Variants in SMARCC1 observed in about 807,000 individuals in gnomAD.
SMARCC1 encodes the protein SWI/SNF related BAF chromatin remodeling complex subunit C1.
A neutral mutation model predicts 147.4 loss-of-function variants in SMARCC1; 43 were observed. That is an observed-to-expected ratio of 0.29 (90% confidence interval 0.23 to 0.38). SMARCC1 has a LOEUF of 0.38. Ranked by LOEUF, SMARCC1 falls within the 10% of genes least tolerant of loss-of-function variation. The pLI is 1.00. For missense variants in SMARCC1, 1,119 were observed against 1,381.1 expected (o/e 0.81, Z 3.01); for synonymous variants, 495 against 484.4 (o/e 1.02, Z -0.29).
chr3:47,695,928 G>A (rs78107427), intron 11 of SMARCC1, among the ~76,000 whole-genome samples: 121,765 of 121,924 alleles, frequency 1, 60,803 homozygotes, highest in Non-Finnish European at 1. Context: ...TCAGCCGGGC[G>A]TGGTGGTGCA....
intron 15 of SMARCC1, among the ~76,000 whole-genome samples, chr3:47,679,288 G>A (rs555569302): frequency 6.6e-6 from 1 of 151,684 alleles, no homozygotes; most frequent in East Asian, 1.9e-4. Context: ...TGACAGATAT[G>A]TACTTATATA....
intron 5 of SMARCC1, among the ~76,000 whole-genome samples, chr3:47,734,737 A>G (rs1241417565): frequency 6.6e-6 from 1 of 152,212 alleles, no homozygotes; most frequent in Non-Finnish European, 1.5e-5. Flanking sequence ...GTACTAGTAC[A>G]TGTGTATCAA....
chr3:47,658,974 C>T (rs958478357), intron 21 of SMARCC1, among the ~76,000 whole-genome samples: 6 of 151,734 alleles, frequency 4.0e-5, no homozygotes, highest in Admixed American at 1.3e-4. Flanking sequence ...AAAAATTAGC[C>T]GGGTGTTGTG....
At chr3:47,593,155 TAAG>T (rs1326639529) in intron 26 of SMARCC1, among the ~76,000 whole-genome samples, 3 of 146,462 alleles carry the variant, frequency 2.0e-5, no homozygotes, top group African/African-American at 5.1e-5. Context: ...AGTAATAAAT[TAAG>T]AAGAATAGTT....
At chr3:47,712,642 TG>T (rs2034101473) in intron 8 of SMARCC1, among the ~76,000 whole-genome samples, 1 of 139,396 alleles carries the variant, frequency 7.2e-6, no homozygotes, top group Non-Finnish European at 1.6e-5. Context: ...TCAGAAAACT[TG>T]GGCAAACAGT....
At position 47,729,009 on chromosome 3, in the gene SMARCC1, C is replaced by T. The variant is rs373987586; in HGVS notation, c.646+16G>A. The T allele has an allele frequency of 7.0e-5, 112 of 1,589,364 alleles. No individual in the cohort carries two copies. The highest frequency in any genetic ancestry group is 8.5e-5 in the Non-Finnish European group (98 of 1,159,458). The stretch of plus-strand genomic sequence containing the variant: ...GATGTATGAGCTCATCTGTTCACAA[C>T]GCAAAACTAACTTACCATCGTCTTG... On this transcript the variant is annotated intron_variant, in intron 6 of 27. Transcript: ENST00000254480.
At chr3:47,635,142 C>T in intron 24 of SMARCC1, 48 bp downstream of exon 24, 1 of 1,536,986 alleles carries the variant, frequency 6.5e-7, no homozygotes, top group South Asian at 1.1e-5. Flanking sequence ...AACAATACGA[C>T]CATTCATGCC....
At chr3:47,681,499 AACAAACTGTATATCTAGC>A (rs2033643655) in intron 14 of SMARCC1, among the ~76,000 whole-genome samples, 1 of 152,192 alleles carries the variant, frequency 6.6e-6, no homozygotes, top group African/African-American at 2.4e-5. Context: ...GTAAAAAAAG[AACAAACTGTATATCTAGC>A]ACAAAGTTTC....
chr3:47,739,833 T>C (rs2034487870), intron 3 of SMARCC1, among the ~76,000 whole-genome samples: 2 of 152,188 alleles, frequency 1.3e-5, no homozygotes, highest in Non-Finnish European at 2.9e-5. Flanking sequence ...ACTTCCAGAA[T>C]CAGTCCCCAA....
intron 15 of SMARCC1, 26 bp from the exon 16 acceptor site, chr3:47,678,337 A>G: frequency 8.2e-7 from 1 of 1,214,890 alleles, no homozygotes. Flanking sequence ...AAAATTCATA[A>G]GGTGGACATG....
At chr3:47,672,712 T>A (rs1489761463) in intron 18 of SMARCC1, among the ~76,000 whole-genome samples, 2 of 152,170 alleles carry the variant, frequency 1.3e-5, no homozygotes, top group African/African-American at 4.8e-5. Context: ...CAACCATTTC[T>A]CCACTTCTCA....
intron 21 of SMARCC1, among the ~76,000 whole-genome samples, chr3:47,650,273 TTAAAATAATAATAATAA>T (rs1214753496): frequency 9.2e-6 from 1 of 108,656 alleles, no homozygotes; most frequent in African/African-American, 3.1e-5. Flanking sequence ...GAGACTCTGT[TTAAAATAATAATAATAA>T]TAATAATAAT....
chr3:47,715,259 A>G (rs1368458793), intron 7 of SMARCC1, among the ~76,000 whole-genome samples: 2 of 152,178 alleles, frequency 1.3e-5, no homozygotes, highest in Non-Finnish European at 2.9e-5. Context: ...AGCCAACTCC[A>G]CATCTCCTTG....
chr3:47,608,656 G>C (rs1329442933), intron 26 of SMARCC1, among the ~76,000 whole-genome samples: 1 of 151,882 alleles, frequency 6.6e-6, no homozygotes, highest in Admixed American at 6.6e-5. Flanking sequence ...GATCAGCCTG[G>C]GCTACAAGGC....
At chr3:47,708,117 T>C (rs1284341024) in intron 9 of SMARCC1, among the ~76,000 whole-genome samples, 2 of 106,868 alleles carry the variant, frequency 1.9e-5, no homozygotes, top group Middle Eastern at 5.9e-3. Flanking sequence ...TTTTTTTTTT[T>C]GAGACAGGGT....
At chr3:47,642,436 A>G (rs138162733) in intron 21 of SMARCC1, among the ~76,000 whole-genome samples, 70 of 152,260 alleles carry the variant, frequency 4.6e-4, no homozygotes, top group Non-Finnish European at 8.7e-4. Flanking sequence ...CTAAAAGTAC[A>G]AAAATTAGCT....
rs2034507081 is a variant in SMARCC1 at position 47,741,278 on chromosome 3, C to T, written c.402-3168G>A. Among the ~76,000 whole-genome samples, 6 of 151,226 alleles carry T rather than the reference C, an allele frequency of 4.0e-5. No homozygotes were observed. The South Asian group carries it at 1.3e-3, about 32-fold the overall frequency. The stretch of plus-strand genomic sequence containing the variant: ...TAGTCATATCAACCAAAGGCAATGT[C>T]TGCACTGCACCTTGTTTGAATATTA... On this transcript the variant is annotated intron_variant, in intron 3 of 27. Transcript: ENST00000254480.
intron 14 of SMARCC1, among the ~76,000 whole-genome samples, chr3:47,680,780 C>T (rs1352264876): frequency 1.3e-5 from 2 of 151,886 alleles, no homozygotes; most frequent in African/African-American, 4.8e-5. Context: ...ATCTCCTGAC[C>T]TCGTGATCCG....
intron 25 of SMARCC1, among the ~76,000 whole-genome samples, chr3:47,611,101 T>C (rs2032557923): frequency 6.6e-6 from 1 of 152,250 alleles, no homozygotes; most frequent in African/African-American, 2.4e-5. Context: ...GAATGAAGCC[T>C]ATCCTAAATT....
Sources: allele counts gnomAD v4.1 joint callset (sites outside exome capture counted in the v4.1 genomes callset), GRCh38; gene constraint gnomAD v4.1.1; transcripts MANE v1.5; gene names NCBI Gene and HGNC (gene_info 2026-07-23, HGNC 2026-07-21).